ASAP1: variants seen among roughly 807,000 people sequenced by gnomAD.
ASAP1 encodes ArfGAP with SH3 domain, ankyrin repeat and PH domain 1.
ASAP1 carries 43 observed loss-of-function variants against 145.2 expected under a neutral mutation model. That is an observed-to-expected ratio of 0.30 (90% CI 0.23 to 0.38). ASAP1 has a LOEUF of 0.38. ASAP1 is among the 10% of genes least tolerant of loss of function. ASAP1 has a pLI of 1.00. For synonymous variants in ASAP1, 546 were observed against 515.5 expected (o/e 1.06, Z -0.80); for missense variants, 1,018 against 1,355.3 (o/e 0.75, Z 3.91).
In ASAP1 at chr8:130,278,953, C is replaced by T. The variant is rs1821091173; in HGVS notation, c.187-41959G>A. ...ATCCATTAGTTCATTCAAAACAATCCTTACAGACAAGCAAGGCAGGAACCC... is the reference window on the plus strand; with the variant it reads ...ATCCATTAGTTCATTCAAAACAATCTTTACAGACAAGCAAGGCAGGAACCC... On this transcript the variant is annotated intron_variant, in intron 3 of 29. Transcript: ENST00000518721. Among the ~76,000 whole-genome samples, 5 of 152,132 alleles carry T rather than the reference C, an allele frequency of 3.3e-5. No homozygotes were observed. In the South Asian group the frequency reaches 1.0e-3, roughly 32 times the overall value.
intron 3 of ASAP1, among the ~76,000 whole-genome samples, chr8:130,304,279 C>A (rs1458776684): frequency 1.3e-5 from 2 of 151,110 alleles, no homozygotes; most frequent in Non-Finnish European, 2.9e-5. Context: ...CGGAAAAGAA[C>A]GCCTTGTATA....
chr8:130,301,427 T>C (rs1822655293), intron 3 of ASAP1, among the ~76,000 whole-genome samples: 1 of 152,208 alleles, frequency 6.6e-6, no homozygotes, highest in African/African-American at 2.4e-5. Flanking sequence ...TGTTCTAGAA[T>C]GCTCTAAAGG....
chr8:130,133,851 T>G (rs2097587938), intron 15 of ASAP1, among the ~76,000 whole-genome samples: 1 of 152,162 alleles, frequency 6.6e-6, no homozygotes, highest in African/African-American at 2.4e-5. Context: ...ACAATAATGG[T>G]CAAGTGCCCA....
intron 18 of ASAP1, among the ~76,000 whole-genome samples, chr8:130,121,692 G>A (rs1046762723): frequency 2.1e-5 from 3 of 140,442 alleles, no homozygotes; most frequent in Non-Finnish European, 3.0e-5. Flanking sequence ...GCTGCGACAG[G>A]AGAATCACTT....
intron 4 of ASAP1, among the ~76,000 whole-genome samples, chr8:130,221,946 G>A (rs1389072520): frequency 1.3e-5 from 2 of 152,184 alleles, no homozygotes; most frequent in African/African-American, 4.8e-5. Flanking sequence ...CATGCCAAGT[G>A]CCTCGTACAC....
At chr8:130,153,074 C>T (rs2097649923) in intron 12 of ASAP1, among the ~76,000 whole-genome samples, 1 of 151,280 alleles carries the variant, frequency 6.6e-6, no homozygotes, top group Admixed American at 6.6e-5. Context: ...TAGAGTGGTG[C>T]AGTGGCATGA....
intron 24 of ASAP1, among the ~76,000 whole-genome samples, chr8:130,105,273 T>C (rs1290506684): frequency 6.6e-6 from 1 of 152,176 alleles, no homozygotes; most frequent in East Asian, 1.9e-4. Context: ...AGCATTTACA[T>C]TGTAGTAGGT....
At chr8:130,220,883 C>T (rs1817252065) in intron 4 of ASAP1, among the ~76,000 whole-genome samples, 1 of 152,008 alleles carries the variant, frequency 6.6e-6, no homozygotes, top group East Asian at 1.9e-4. Flanking sequence ...GGAAAAACTC[C>T]CCACAAAACC....
intron 2 of ASAP1, among the ~76,000 whole-genome samples, chr8:130,389,485 A>T (rs1828174446): frequency 6.6e-6 from 1 of 152,174 alleles, no homozygotes; most frequent in South Asian, 2.1e-4. Context: ...ACCAAATCTT[A>T]TTTTGCATTT....
chr8:130,280,322 A>G (rs1236750513), intron 3 of ASAP1, among the ~76,000 whole-genome samples: 1 of 152,250 alleles, frequency 6.6e-6, no homozygotes, highest in African/African-American at 2.4e-5. Flanking sequence ...ACAAGTTTTT[A>G]AAAGTGGTGT....
At chr8:130,262,417 AG>A (rs869027213) in intron 3 of ASAP1, among the ~76,000 whole-genome samples, 954 of 32,820 alleles carry the variant, frequency 0.029, 56 homozygotes, top group East Asian at 0.049. Context: ...AAAAAAAAAA[AG>A]AGAGAGAGAG....
chr8:130,156,521 T>C (rs570694348), intron 12 of ASAP1, among the ~76,000 whole-genome samples: 2 of 152,198 alleles, frequency 1.3e-5, no homozygotes, highest in East Asian at 1.9e-4. Flanking sequence ...GAGTATTTCA[T>C]CTATGTGTGT....
chr8:130,381,426 T>C (rs1827763899), intron 2 of ASAP1, among the ~76,000 whole-genome samples: 1 of 151,008 alleles, frequency 6.6e-6, no homozygotes, highest in South Asian at 2.2e-4. Context: ...GAGTTTTTCA[T>C]ACAAAGTCTT....
chr8:130,243,583 C>G (rs1818674250), intron 3 of ASAP1, among the ~76,000 whole-genome samples: 1 of 152,168 alleles, frequency 6.6e-6, no homozygotes, highest in Non-Finnish European at 1.5e-5. Flanking sequence ...ACACCCTCCA[C>G]TACTCATTAT....
chr8:130,383,644 C>A (rs956169352), intron 2 of ASAP1, among the ~76,000 whole-genome samples: 1 of 152,124 alleles, frequency 6.6e-6, no homozygotes, highest in Non-Finnish European at 1.5e-5. Context: ...CAAGGCCACA[C>A]AGCAGGGAGA....
chr8:130,289,957 G>C lies in ASAP1; in HGVS notation c.187-52963C>G, dbSNP rs557505260. ...TTCATGTCAAAACTCTTAACATTTGGAATTCAGAACAGCAAATAACAGTGG... is the reference window on the plus strand; with the variant it reads ...TTCATGTCAAAACTCTTAACATTTGCAATTCAGAACAGCAAATAACAGTGG... On this transcript the variant is annotated intron_variant, in intron 3 of 29. Coordinates refer to ENST00000518721, the MANE Select transcript of ASAP1 (RefSeq NM_018482.4). 3.3e-4 allele frequency among the ~76,000 whole-genome samples: 50 copies of C among 152,130 alleles called. No individual in the cohort carries two copies. In the Middle Eastern group the frequency reaches 0.017, roughly 52 times the overall value.
At chr8:130,116,131 T>C (rs2097555462) in intron 22 of ASAP1, among the ~76,000 whole-genome samples, 1 of 152,198 alleles carries the variant, frequency 6.6e-6, no homozygotes, top group Non-Finnish European at 1.5e-5. Flanking sequence ...TCTCAAAGGA[T>C]TCTTTTAAGA....
chr8:130,228,495 G>T (rs191671662), intron 4 of ASAP1, among the ~76,000 whole-genome samples: 1 of 151,908 alleles, frequency 6.6e-6, no homozygotes, highest in Non-Finnish European at 1.5e-5. Context: ...GAGCCCAGGC[G>T]GTCAAGACCA....
intron 3 of ASAP1, among the ~76,000 whole-genome samples, chr8:130,245,613 T>C (rs1402574013): frequency 1.3e-5 from 2 of 152,160 alleles, no homozygotes; most frequent in African/African-American, 4.8e-5. Flanking sequence ...TAAAACTAGC[T>C]CGCAAAAGTC....
Sources: gnomAD v4.1 joint callset for allele counts (sites outside exome capture counted in the v4.1 genomes callset) on GRCh38, gnomAD v4.1.1 for gene constraint, MANE v1.5 for transcripts, NCBI Gene and HGNC (gene_info 2026-07-23, HGNC 2026-07-21) for gene names.